Variants in DHRS7 observed in about 807,000 individuals in gnomAD.
The protein encoded by DHRS7 is dehydrogenase/reductase SDR family member 7.
In DHRS7, 34 loss-of-function variants were observed where a neutral mutation model predicts 38.9. The ratio of observed to expected loss-of-function variants is 0.87; its 90% CI spans 0.66 to 1.16. The LOEUF (loss-of-function observed/expected upper bound fraction) is 1.16. DHRS7 is among the 50% of genes most tolerant of loss of function. The pLI is 0.00. For missense variants in DHRS7, 421 were observed against 407.0 expected (o/e 1.03, Z -0.30); for synonymous variants, 158 against 153.1 (o/e 1.03, Z -0.24).
chr14:60,156,073 A>C lies in DHRS7; in HGVS notation c.213T>G (p.Ser71=). The C allele has an allele frequency of 6.2e-7, 1 of 1,607,308 alleles. No homozygotes were observed. Among genetic ancestry groups the C allele is most frequent in the African/African-American group, 1.3e-5 (1 of 74,616 alleles). The part of the protein sequence containing the change: ...GIGEELAYQL[S]KLGVSLVLSA... ...ACAGCACAAGAGAAACTCCTAGTTT[A>C]GACAACTGGTAAGCCAGCTCCTCAC... is the stretch of plus-strand genomic sequence containing the variant. Residue 71 remains serine, a synonymous_variant, in exon 2 of 7, where the codon TCT becomes TCG. Transcript: ENST00000557185.
chr14:60,168,515 C>T (rs529984327), upstream of DHRS7, among the ~76,000 whole-genome samples: 1 of 152,186 alleles, frequency 6.6e-6, no homozygotes, highest in East Asian at 1.9e-4. Flanking sequence ...GTGGGGAGAA[C>T]GGGGTACAGA....
intron 4 of DHRS7, 43 bp from the exon 5 acceptor site, chr14:60,150,230 A>C: frequency 6.8e-7 from 1 of 1,473,034 alleles, no homozygotes; most frequent in Non-Finnish European, 9.1e-7. Context: ...GCAAATAAAT[A>C]CAGACACATA....
At chr14:60,164,834 C>G (rs1896833923) in intron 1 of DHRS7, among the ~76,000 whole-genome samples, 1 of 152,208 alleles carries the variant, frequency 6.6e-6, no homozygotes, top group Non-Finnish European at 1.5e-5. Context: ...TCCTCTGAGA[C>G]AACACCAGAA....
intron 1 of DHRS7, among the ~76,000 whole-genome samples, chr14:60,157,075 C>T (rs1896675254): frequency 6.6e-6 from 1 of 152,204 alleles, no homozygotes; most frequent in Admixed American, 6.5e-5. Context: ...TATCGTATCA[C>T]TTAACATCAC....
chr14:60,145,780 G>A lies in DHRS7; in HGVS notation c.973-767C>T, dbSNP rs912048747. On this transcript the variant is annotated intron_variant, in intron 6 of 6. Coordinates refer to ENST00000557185, the MANE Select transcript of DHRS7 (RefSeq NM_016029.4). The surrounding 1 kb of genome is among the most constrained non-coding windows in gnomAD (Gnocchi z 4.0). ...CCCCAAGATGTGATGTTTCTTTTCAGAAGATATGCATTTACCACTTTCAAA... is the reference window on the plus strand; with the variant it reads ...CCCCAAGATGTGATGTTTCTTTTCAAAAGATATGCATTTACCACTTTCAAA... 2 of 152,068 alleles carry A rather than the reference G, an allele frequency of 1.3e-5. No individual in the cohort carries two copies. The highest frequency in any genetic ancestry group is 4.8e-5 in the African/African-American group (2 of 41,428). 9.4% of individuals were successfully genotyped at this position (152,068 alleles called of 1,614,324 possible).
chr14:60,161,209 G>A lies in DHRS7; in HGVS notation c.133+3968C>T, dbSNP rs1896758846. 6.6e-6 allele frequency among the ~76,000 whole-genome samples: 1 copy of A among 152,138 alleles called. No homozygotes were observed. The highest frequency in any genetic ancestry group is 2.4e-5 in the African/African-American group (1 of 41,428). Reference sequence around the variant, plus strand: ...TCAATATCAGAAGTAATACTAAAATGTTATAATAGGAAAAGGGATCCACTA... The same window carrying A: ...TCAATATCAGAAGTAATACTAAAATATTATAATAGGAAAAGGGATCCACTA... On this transcript the variant is annotated intron_variant, in intron 1 of 6. Transcript: ENST00000557185. The surrounding 1 kb of genome is among the most constrained non-coding windows in gnomAD (Gnocchi z 4.2).
chr14:60,154,061 A>G lies in DHRS7; in HGVS notation c.291T>C (p.Asn97=), dbSNP rs1179100404. 3.7e-6 allele frequency: 6 copies of G among 1,613,154 alleles called. No homozygotes were observed. The highest frequency in any genetic ancestry group is 1.3e-5 in the African/African-American group (1 of 74,904). ...LERVKRRCLE[N]GNLKEKDILV... ...GTATATCTTTTTCTTTTAAATTGCCATTCTCTAAATAAAGACAAAAATTTG... is the reference window on the plus strand; with the variant it reads ...GTATATCTTTTTCTTTTAAATTGCCGTTCTCTAAATAAAGACAAAAATTTG... Residue 97 remains asparagine, a synonymous_variant, in exon 3 of 7, where the codon AAT becomes AAC. Coordinates refer to ENST00000557185, the MANE Select transcript of DHRS7 (RefSeq NM_016029.4).
intron 1 of DHRS7, among the ~76,000 whole-genome samples, chr14:60,157,366 C>T (rs2078508974): frequency 6.6e-6 from 1 of 152,178 alleles, no homozygotes; most frequent in African/African-American, 2.4e-5. Context: ...AGTACATACT[C>T]AGTGTTTAAT....
chr14:60,165,278 A>G lies in DHRS7; in HGVS notation c.32T>C (p.Val11Ala), dbSNP rs1182759101. 1 of 1,597,884 alleles carries G rather than the reference A, an allele frequency of 6.3e-7. No homozygotes were observed. The highest frequency in any genetic ancestry group is 1.3e-5 in the African/African-American group (1 of 74,762). The stretch of plus-strand genomic sequence containing the variant: ...CAAGAGCAGGAGCAGCGCGCACAGC[A>G]CCAGCAGCCACAGCAGCAGCTCCCA... MNWELLLWLL[V>A]LCALLLLLVQ... Residue 11 changes from valine to alanine, a missense_variant, in exon 1 of 7, where the codon GTG (valine) becomes GCG (alanine). Coordinates refer to ENST00000557185, the MANE Select transcript of DHRS7 (RefSeq NM_016029.4). The surrounding 1 kb of genome is among the most constrained non-coding windows in gnomAD (Gnocchi z 4.6).
rs1171053820 is a variant in DHRS7, at chr14:60,152,809, C to CA, written c.633+129dup. On this transcript the variant is annotated intron_variant, in intron 4 of 6. Coordinates refer to ENST00000557185, the MANE Select transcript of DHRS7 (RefSeq NM_016029.4). ...AGCATCTACTGGGGGTGTCCTCTAC[C>CA]AAAAGTCTCCTTGGGTCTCTCTGTC... The CA allele has an allele frequency of 2.5e-5, 26 of 1,040,110 alleles. 1 individual carries two copies. The Middle Eastern group carries it at 1.6e-3, about 65-fold the overall frequency. 64.4% of individuals were successfully genotyped at this position (1,040,110 alleles called of 1,614,324 possible).
rs780225747 is a variant in DHRS7 at position 60,161,473 on chromosome 14, A to G, written c.133+3704T>C. Among the ~76,000 whole-genome samples the G allele has an allele frequency of 1.1e-4, 16 of 152,132 alleles. No individual in the cohort carries two copies. Among genetic ancestry groups the G allele is most frequent in the Non-Finnish European group, 2.2e-4 (15 of 68,016 alleles). On this transcript the variant is annotated intron_variant, in intron 1 of 6. Coordinates refer to ENST00000557185, the MANE Select transcript of DHRS7 (RefSeq NM_016029.4). The surrounding 1 kb of genome is among the most constrained non-coding windows in gnomAD (Gnocchi z 4.2). Reference sequence around the variant, plus strand: ...CCTGTCTTCTAAATGACAATCCCTCACAGCTGTTAGGGAAGACAGCCATTA... The same window carrying G: ...CCTGTCTTCTAAATGACAATCCCTCGCAGCTGTTAGGGAAGACAGCCATTA...
In DHRS7 at chr14:60,156,118, A is replaced by G. The variant is rs1313344658; in HGVS notation, c.168T>C (p.Thr56=). 5.0e-6 allele frequency: 8 copies of G among 1,600,276 alleles called. No individual in the cohort carries two copies. Among genetic ancestry groups the G allele is most frequent in the South Asian group, 4.5e-5 (4 of 89,228 alleles). ...CCTCACCAATTCCACTCGAGGCTCC[A>G]GTCACCCACACCACCATATCAGTCA... The part of the protein sequence containing the change: ...WELTDMVVWV[T]GASSGIGEEL... Residue 56 remains threonine (T), a synonymous_variant, in exon 2 of 7, where the codon ACT becomes ACC. Coordinates refer to ENST00000557185, the MANE Select transcript of DHRS7 (RefSeq NM_016029.4).
intron 1 of DHRS7, among the ~76,000 whole-genome samples, chr14:60,156,958 T>G (rs1032455): frequency 0.28 from 42,486 of 152,140 alleles, 8,197 homozygotes; most frequent in African/African-American, 0.54. Flanking sequence ...TATTAGCACT[T>G]CAGGAGATGA....
At chr14:60,155,339 C>T (rs921941064) in intron 2 of DHRS7, among the ~76,000 whole-genome samples, 1 of 152,122 alleles carries the variant, frequency 6.6e-6, no homozygotes, top group Non-Finnish European at 1.5e-5. Flanking sequence ...GCCCCAGCTA[C>T]TCAGGAGGCT....
Position 60,156,553 on chromosome 14 carries a change from A to G in DHRS7, c.134-401T>C, listed in dbSNP as rs1396654166. ...TGTCTGGACTCACTTTTCCTTAGCC[A>G]TTAAATGAGGCATTCAGATTAGATG... On this transcript the variant is annotated intron_variant, in intron 1 of 6. Transcript: ENST00000557185. 2.6e-5 allele frequency among the ~76,000 whole-genome samples: 4 copies of G among 152,240 alleles called. 1 individual carries two copies. Among genetic ancestry groups the G allele is most frequent in the African/African-American group, 9.6e-5 (4 of 41,476 alleles).
upstream of DHRS7, among the ~76,000 whole-genome samples, chr14:60,167,112 G>A (rs547357726): frequency 3.9e-5 from 6 of 152,326 alleles, no homozygotes; most frequent in South Asian, 1.0e-3. Context: ...AAAACAACCA[G>A]AAGAGTATAA....
upstream of DHRS7, chr14:60,166,244 A>C: frequency 9.1e-6 from 9 of 985,456 alleles, no homozygotes; most frequent in Non-Finnish European, 1.1e-5. Context: ...CTTGTTTTCA[A>C]GCATTTGAAA....
upstream of DHRS7, chr14:60,169,132 C>CAA: frequency 3.2e-5 from 1 of 31,084 alleles, no homozygotes; most frequent in African/African-American, 1.6e-4. Context: ...ACAAAAGAAA[C>CAA]CAAAAAAAAA....
chr14:60,153,331 A>C lies in DHRS7; in HGVS notation c.394-153T>G, dbSNP rs1896589364. On this transcript the variant is annotated intron_variant, in intron 3 of 6. Coordinates refer to ENST00000557185, the MANE Select transcript of DHRS7 (RefSeq NM_016029.4). The surrounding 1 kb of genome is among the most constrained non-coding windows in gnomAD (Gnocchi z 4.4). ...GTCAGCAATTAAAAAGATAAAATAA[A>C]GCCCTGAATTTACCTGTGGAATTAA... is the stretch of plus-strand genomic sequence containing the variant. Among the ~76,000 whole-genome samples the C allele has an allele frequency of 6.6e-6, 1 of 152,188 alleles. No homozygotes were observed. The highest frequency in any genetic ancestry group is 1.5e-5 in the Non-Finnish European group (1 of 68,032).
Sources: allele counts gnomAD v4.1 joint callset (sites outside exome capture counted in the v4.1 genomes callset), GRCh38; gene constraint gnomAD v4.1.1; non-coding constraint Gnocchi (gnomAD v3.1); transcripts MANE v1.5; gene names NCBI Gene and HGNC (gene_info 2026-07-23, HGNC 2026-07-21).